MKLN1: variants seen among roughly 807,000 people sequenced by gnomAD.
The protein encoded by MKLN1 is muskelin.
A neutral mutation model predicts 99.0 loss-of-function variants in MKLN1; 18 were observed. The observed-to-expected ratio is 0.18, with a 90% CI of 0.13 to 0.27. The LOEUF (loss-of-function observed/expected upper bound fraction) is 0.27, where lower values mean the gene tolerates loss of function less well. Among genes scored for constraint, MKLN1 ranks in the 10% least tolerant of loss-of-function variants. The pLI is 1.00. For synonymous variants in MKLN1, 288 were observed against 293.2 expected, an observed-to-expected ratio of 0.98 and a Z score of 0.18; for missense variants, 621 against 875.9, an observed-to-expected ratio of 0.71 and a Z score of 3.67.
At chr7:131,437,523 C>T (rs1795709334) in intron 9 of MKLN1, among the ~76,000 whole-genome samples, 1 of 152,112 alleles carries the variant, frequency 6.6e-6, no homozygotes, top group African/African-American at 2.4e-5. Context: ...CCATAAGCTG[C>T]AGTGTAGTTC....
chr7:131,443,512 A>G lies in MKLN1; in HGVS notation c.1205A>G (p.Tyr402Cys), dbSNP rs1357407836. ...MCMDSEKHMI[Y>C]TFGGRILTCN... ...ATGGACTCAGAAAAACATATGATCT[A>G]CACTTTTGGTGGTAGAATTTTGACT... The change falls in exon 11 of 18, where the codon TAC (tyrosine) becomes TGC (cysteine). Residue 402 changes from tyrosine to cysteine, a missense_variant. By Grantham distance (194) the Tyr-to-Cys change is radical. Around this residue, in one of 8 missense-constraint regions of MKLN1, gnomAD observed 361 missense variants for 540.8 expected, o/e 0.67. Coordinates refer to ENST00000352689, the MANE Select transcript of MKLN1 (RefSeq NM_013255.5). 6.2e-7 allele frequency: 1 copy of G among 1,613,806 alleles called. No homozygotes were observed. The highest frequency in any genetic ancestry group is 8.5e-7 in the Non-Finnish European group (1 of 1,179,692).
intron 1 of MKLN1, among the ~76,000 whole-genome samples, chr7:131,344,226 A>G (rs1249474671): frequency 6.6e-6 from 1 of 152,194 alleles, no homozygotes; most frequent in Non-Finnish European, 1.5e-5. Context: ...AATGTTAAAT[A>G]TTATCTCATT....
Position 131,396,078 on chromosome 7 carries a change from A to T in MKLN1, c.401-1189A>T, listed in dbSNP as rs150372187. ...GTTTTTCAATTGAATATATATATAT[A>T]TTTTTTTCCACTGAGACACAGTCTT... On this transcript the variant is annotated intron_variant, in intron 4 of 17. Coordinates refer to ENST00000352689, the MANE Select transcript of MKLN1 (RefSeq NM_013255.5). Among the ~76,000 whole-genome samples, 949 of 150,372 alleles carry T rather than the reference A, an allele frequency of 6.3e-3. 13 individuals are homozygous for T. Among genetic ancestry groups the T allele is most frequent in the African/African-American group, 0.019 (775 of 40,110 alleles).
intron 2 of MKLN1, among the ~76,000 whole-genome samples, chr7:131,375,836 A>ATACT (rs1793629819): frequency 2.0e-5 from 3 of 150,200 alleles, no homozygotes; most frequent in Admixed American, 2.0e-4. Flanking sequence ...TTATTTTATT[A>ATACT]TAATATTATT....
At chr7:131,475,241 C>T (rs150671108) in intron 16 of MKLN1, among the ~76,000 whole-genome samples, 13 of 152,006 alleles carry the variant, frequency 8.6e-5, no homozygotes, top group African/African-American at 1.9e-4. Context: ...ATTGACAAGC[C>T]GCAACTTGAT....
At chr7:131,407,668 C>T (rs1794747391) in intron 6 of MKLN1, among the ~76,000 whole-genome samples, 2 of 151,236 alleles carry the variant, frequency 1.3e-5, no homozygotes, top group Non-Finnish European at 1.5e-5. Context: ...AACTGCCAGA[C>T]CCTTTTCCTG....
intron 1 of MKLN1, among the ~76,000 whole-genome samples, chr7:131,142,290 A>G (rs1261390179): frequency 6.6e-6 from 1 of 152,144 alleles, no homozygotes; most frequent in East Asian, 1.9e-4. Context: ...GTGTGCCTGT[A>G]ATTCCAGCTA....
intron 1 of MKLN1, among the ~76,000 whole-genome samples, chr7:131,331,522 C>T (rs1799074368): frequency 6.6e-6 from 1 of 152,164 alleles, no homozygotes; most frequent in African/African-American, 2.4e-5. Context: ...GGGTGGCTCA[C>T]ACCTGTAATC....
intron 12 of MKLN1, among the ~76,000 whole-genome samples, chr7:131,457,336 T>C (rs1280285643): frequency 6.7e-6 from 1 of 149,792 alleles, no homozygotes; most frequent in Non-Finnish European, 1.5e-5. Context: ...CACTTAAAGA[T>C]GTAAGAGAAC....
At chr7:131,464,837 C>A (rs888500267) in intron 14 of MKLN1, among the ~76,000 whole-genome samples, 3 of 152,098 alleles carry the variant, frequency 2.0e-5, no homozygotes, top group Non-Finnish European at 4.4e-5. Flanking sequence ...ACTAGTGATA[C>A]CTCTTTTAAA....
rs1326090692 is a variant in MKLN1 at position 131,192,134 on chromosome 7, A to T, written c.-296-10723A>T. On this transcript the variant is annotated intron_variant, in intron 2 of 7. Transcript: ENST00000416992. ...TTATATATATACGTATATATATAAA[A>T]ATATATATACGTATATATACATATA... Among the ~76,000 whole-genome samples the T allele has an allele frequency of 9.3e-4, 85 of 91,232 alleles. 14 individuals are homozygous for T. The highest frequency in any genetic ancestry group is 2.2e-3 in the African/African-American group (40 of 17,802). The allele number at this position is 91,232 out of a possible 152,430, so 59.9% of individuals were successfully genotyped here.
At position 131,491,994 on chromosome 7, in the gene MKLN1, TAAG is replaced by T. The variant is rs1562893589; in HGVS notation, c.*4269_*4271del. 6.6e-6 allele frequency: 1 copy of T among 152,316 alleles called. No individual in the cohort carries two copies. The highest frequency in any genetic ancestry group is 1.5e-5 in the Non-Finnish European group (1 of 68,032). The allele number at this position is 152,316 out of a possible 1,614,324, so 9.4% of individuals were successfully genotyped here. On this transcript the variant is annotated 3_prime_UTR_variant, in exon 18 of 18. Transcript: ENST00000352689. The stretch of plus-strand genomic sequence containing the variant: ...TATGACAAGAGAATAATGAAATTCA[TAAG>T]AAATTAATAACATTCAGATATTGCT...
At chr7:131,211,937 G>T (rs7777467) in intron 3 of MKLN1, among the ~76,000 whole-genome samples, 38,245 of 152,018 alleles carry the variant, frequency 0.25, 5,310 homozygotes, top group East Asian at 0.66. Context: ...AGTATTGAAT[G>T]GTCTTACAGG....
rs1157914960 is a variant in MKLN1, at chr7:131,491,528, G to A, written c.*3800G>A. On this transcript the variant is annotated 3_prime_UTR_variant, in exon 18 of 18. Coordinates refer to ENST00000352689, the MANE Select transcript of MKLN1 (RefSeq NM_013255.5). ...TAGACCCTGGCTTCTATCTCCCTGT[G>A]ATTTGTTTTAATGCTGAAATGACTT... The A allele has an allele frequency of 6.6e-6, 1 of 152,112 alleles. No individual in the cohort carries two copies. The highest frequency in any genetic ancestry group is 2.4e-5 in the African/African-American group (1 of 41,418). 9.4% of individuals were successfully genotyped at this position (152,112 alleles called of 1,614,324 possible).
intron 2 of MKLN1, among the ~76,000 whole-genome samples, chr7:131,380,893 T>G (rs531331684): frequency 6.6e-6 from 1 of 152,318 alleles, no homozygotes; most frequent in African/African-American, 2.4e-5. Context: ...ACAGTAGTTA[T>G]GTCCTATAAA....
intron 1 of MKLN1, among the ~76,000 whole-genome samples, chr7:131,329,592 T>C (rs930422504): frequency 6.6e-6 from 1 of 152,204 alleles, no homozygotes; most frequent in African/African-American, 2.4e-5. Context: ...GAGACATTTT[T>C]CTGGTCTTGA....
rs1025370763 is a variant in MKLN1 at position 131,452,908 on chromosome 7, C to T, written c.1525+7005C>T. Among the ~76,000 whole-genome samples the T allele has an allele frequency of 2.0e-5, 3 of 152,292 alleles. No homozygotes were observed. In the East Asian group the frequency reaches 5.8e-4, roughly 29 times the overall value. On this transcript the variant is annotated intron_variant, in intron 12 of 17. Coordinates refer to ENST00000352689, the MANE Select transcript of MKLN1 (RefSeq NM_013255.5). ...AGCCAAACTGGCAACACAGAGAAGA[C>T]TTTGAAGCTGATGATTTGCTGTCAT... is the stretch of plus-strand genomic sequence containing the variant.
chr7:131,414,287 ATCTAATTTTG>A (rs1346837859), intron 7 of MKLN1, among the ~76,000 whole-genome samples: 1 of 152,092 alleles, frequency 6.6e-6, no homozygotes, highest in African/African-American at 2.4e-5. Flanking sequence ...TATACGGGAG[ATCTAATTTTG>A]TAATTGTTTT....
intron 6 of MKLN1, among the ~76,000 whole-genome samples, chr7:131,408,522 A>AT (rs1207357820): frequency 1.3e-5 from 2 of 152,052 alleles, no homozygotes; most frequent in Non-Finnish European, 2.9e-5. Flanking sequence ...ATCTATGTGG[A>AT]TTTTTTTGGT....
Sources: gnomAD v4.1 joint callset for allele counts (sites outside exome capture counted in the v4.1 genomes callset) on GRCh38, gnomAD v4.1.1 for gene constraint, gnomAD v4.1.1 regional missense constraint, MANE v1.5 for transcripts, NCBI Gene and HGNC (gene_info 2026-07-23, HGNC 2026-07-21) for gene names.